The following WWP1 variants were observed in gnomAD, a reference collection of about 807,000 sequenced individuals.
The protein encoded by WWP1 is NEDD4-like E3 ubiquitin-protein ligase WWP1.
Under a neutral mutation model 130.6 loss-of-function variants are expected in WWP1, and 49 were observed. The ratio of observed to expected loss-of-function variants is 0.38; its 90% CI spans 0.30 to 0.48. WWP1 has a LOEUF of 0.48. Ranked by LOEUF, WWP1 falls within the 20% of genes least tolerant of loss-of-function variation. The pLI, the probability that WWP1 is intolerant of heterozygous loss-of-function variation, is 0.99. For missense variants in WWP1, 809 were observed against 1,100.6 expected, an observed-to-expected ratio of 0.74 and a Z score of 3.75; for synonymous variants, 332 against 367.8, an observed-to-expected ratio of 0.90 and a Z score of 1.11.
chr8:86,429,996 C>T (rs1340049509), intron 11 of WWP1, among the ~76,000 whole-genome samples: 7 of 152,078 alleles, frequency 4.6e-5, no homozygotes, highest in South Asian at 2.1e-4. Context: ...CCTAGGAGTT[C>T]GAGACCAGCC....
intron 1 of WWP1, among the ~76,000 whole-genome samples, chr8:86,364,837 G>GAA (rs1823872094): frequency 7.3e-6 from 1 of 137,414 alleles, no homozygotes; most frequent in Non-Finnish European, 1.6e-5. Flanking sequence ...GAAAGAAAGA[G>GAA]AGAGAGAGAG....
At chr8:86,439,400 C>T (rs1320578014) in intron 17 of WWP1, among the ~76,000 whole-genome samples, 3 of 151,638 alleles carry the variant, frequency 2.0e-5, no homozygotes, top group East Asian at 1.9e-4. Context: ...CACAGTTTTG[C>T]CCAGGCTGAT....
chr8:86,451,290 G>A (rs988845624), intron 20 of WWP1, among the ~76,000 whole-genome samples: 12 of 140,958 alleles, frequency 8.5e-5, no homozygotes, highest in African/African-American at 3.2e-4. Context: ...GGAGATTTTG[G>A]TACAGGGAAA....
chr8:86,343,674 A>T (rs900257365), intron 1 of WWP1, among the ~76,000 whole-genome samples: 1 of 152,142 alleles, frequency 6.6e-6, no homozygotes, highest in African/African-American at 2.4e-5. Flanking sequence ...TGGTAAATAT[A>T]TGAAACCTTC....
chr8:86,431,850 A>C (rs889593509), intron 14 of WWP1, 107 bp downstream of exon 14: 1 of 1,462,044 alleles, frequency 6.8e-7, no homozygotes, highest in African/African-American at 1.4e-5. Flanking sequence ...TTTTGGTTCA[A>C]GAAAACCTAC....
chr8:86,365,771 T>G (rs1299559726), intron 1 of WWP1, among the ~76,000 whole-genome samples: 2 of 152,182 alleles, frequency 1.3e-5, no homozygotes, highest in African/African-American at 4.8e-5. Flanking sequence ...AAGACTAGCC[T>G]GGGCAAATAG....
At chr8:86,422,319 GTATTTATTTATTTATTTATT>G (rs55854341) in intron 9 of WWP1, among the ~76,000 whole-genome samples, 9 of 148,022 alleles carry the variant, frequency 6.1e-5, no homozygotes, top group Non-Finnish European at 1.0e-4. Context: ...GTACCAGTTT[GTATTTATTTATTTATTTATT>G]TATTTATTTA....
chr8:86,362,902 C>G (rs1823753294), intron 1 of WWP1, among the ~76,000 whole-genome samples: 1 of 152,110 alleles, frequency 6.6e-6, no homozygotes, highest in African/African-American at 2.4e-5. Flanking sequence ...GGACTATCTG[C>G]ATTTTTCTAT....
At chr8:86,411,964 T>C (rs2130567381) in intron 9 of WWP1, 90 bp downstream of exon 9, 1 of 1,239,188 alleles carries the variant, frequency 8.1e-7, no homozygotes, top group East Asian at 2.4e-5. Flanking sequence ...ATGTTTTCAT[T>C]GTTCAGAACT....
At chr8:86,388,708 C>T (rs533089587) in intron 5 of WWP1, among the ~76,000 whole-genome samples, 1 of 152,026 alleles carries the variant, frequency 6.6e-6, no homozygotes. Flanking sequence ...TTCACAAAAT[C>T]ATTTCTTTTA....
chr8:86,436,579 CTAGTACG>C (rs1486861712), intron 16 of WWP1, among the ~76,000 whole-genome samples: 1 of 152,074 alleles, frequency 6.6e-6, no homozygotes, highest in Admixed American at 6.5e-5. Context: ...GCTGTTCTGC[CTAGTACG>C]TAGAATAGTG....
In WWP1 at chr8:86,427,658, T is replaced by G; in HGVS notation, c.1173T>G (p.Val391=). The G allele has an allele frequency of 1.2e-6, 2 of 1,607,076 alleles. No homozygotes were observed. Among genetic ancestry groups the G allele is most frequent in the Non-Finnish European group, 1.7e-6 (2 of 1,175,648 alleles). ...CTTGTGGTAGTTGGGAAAGAAGAGT[T>G]GATGATCGTAGAAGAGTTTATTATG... The part of the protein sequence containing the change: ...QPLPPGWERR[V]DDRRRVYYVD... The change falls in exon 11 of 25, where the codon GTT becomes GTG. Residue 391 remains valine, a synonymous_variant. Transcript: ENST00000517970.
chr8:86,438,282 T>G (rs1810406826), intron 16 of WWP1, among the ~76,000 whole-genome samples: 1 of 152,210 alleles, frequency 6.6e-6, no homozygotes, highest in African/African-American at 2.4e-5. Context: ...CCTTGTTGTC[T>G]CAGGGGTGGC....
chr8:86,409,324 C>CCCGGAT (rs1176350387), intron 8 of WWP1, among the ~76,000 whole-genome samples: 1 of 147,076 alleles, frequency 6.8e-6, no homozygotes, highest in Non-Finnish European at 1.5e-5. Flanking sequence ...ACCTCTACCT[C>CCCGGAT]CCGGATTCAA....
intron 23 of WWP1, 68 bp from the exon 24 acceptor site, chr8:86,461,705 AT>A: frequency 8.4e-7 from 1 of 1,195,606 alleles, no homozygotes; most frequent in Non-Finnish European, 1.2e-6. Flanking sequence ...ATGTTCTATT[AT>A]TTAAGCAGTT....
intron 1 of WWP1, among the ~76,000 whole-genome samples, chr8:86,348,540 C>T (rs1297052459): frequency 6.6e-6 from 1 of 152,144 alleles, no homozygotes; most frequent in Non-Finnish European, 1.5e-5. Flanking sequence ...CTTAAATCTA[C>T]AGTTCACTCA....
chr8:86,390,510 C>T (rs556094435), intron 5 of WWP1, among the ~76,000 whole-genome samples: 15 of 152,252 alleles, frequency 9.9e-5, no homozygotes, highest in African/African-American at 3.4e-4. Flanking sequence ...CCGTCCAACA[C>T]GGCGAAACCC....
chr8:86,402,179 G>A lies in WWP1; in HGVS notation c.700G>A (p.Ala234Thr), dbSNP rs768629119. 2.3e-5 allele frequency: 37 copies of A among 1,613,156 alleles called. No individual in the cohort carries two copies. Among genetic ancestry groups the A allele is most frequent in the African/African-American group, 5.3e-5 (4 of 74,864 alleles). Reference protein sequence around the residue: ...PKNTPAPKPLASEPADDTVNG... With the variant: ...PKNTPAPKPLTSEPADDTVNG... ...AAATACACCAGCTCCAAAACCACTC[G>A]CATCTGAGCCTGCCGATGACACTGG... is the stretch of plus-strand genomic sequence containing the variant. Residue 234 changes from alanine (A) to threonine (T), a missense_variant, in exon 8 of 25, where the codon GCA becomes ACA. Ala to Thr is a moderately conservative substitution (Grantham distance 58). Coordinates refer to ENST00000517970, the MANE Select transcript of WWP1 (RefSeq NM_007013.4).
chr8:86,355,964 T>A (rs1211162819), intron 1 of WWP1, among the ~76,000 whole-genome samples: 1 of 152,240 alleles, frequency 6.6e-6, no homozygotes, highest in Non-Finnish European at 1.5e-5. Context: ...AAATTCAGAC[T>A]TACTAGTTTC....
Sources: gnomAD v4.1 joint callset for allele counts (sites outside exome capture counted in the v4.1 genomes callset) on GRCh38, gnomAD v4.1.1 for gene constraint, MANE v1.5 for transcripts, NCBI Gene and HGNC (gene_info 2026-07-23, HGNC 2026-07-21) for gene names.